CSMD1: variants seen among roughly 807,000 people sequenced by gnomAD.
CSMD1 encodes the protein CUB and Sushi multiple domains 1.
A neutral mutation model predicts 417.5 loss-of-function variants in CSMD1; 213 were observed. The ratio of observed to expected loss-of-function variants is 0.51; its 90% CI spans 0.46 to 0.57. The LOEUF is 0.57. CSMD1 is among the 20% of genes least tolerant of loss of function. CSMD1 has a pLI of 0.00. For synonymous variants in CSMD1, 2,862 were observed against 1,736.8 expected, an observed-to-expected ratio of 1.65 and a Z score of -16.11; for missense variants, 6,923 against 4,529.7, an observed-to-expected ratio of 1.53 and a Z score of -15.17.
At chr8:4,924,722 CA>C (rs60827201) in intron 1 of CSMD1, among the ~76,000 whole-genome samples, 53 of 62,548 alleles carry the variant, frequency 8.5e-4, no homozygotes, top group Middle Eastern at 0.015. Context: ...AACTCCATCT[CA>C]AAAAAAAAAA....
chr8:3,493,614 C>G lies in CSMD1; in HGVS notation c.1448+9G>C. On this transcript the variant is annotated intron_variant, in intron 11 of 69. Transcript: ENST00000635120. ...CATAAGAGAAGAAGAAGCTCAAGGA[C>G]ATACTCACACGTACAAGACCGATCT... 3.1e-6 allele frequency: 5 copies of G among 1,600,698 alleles called. No homozygotes were observed. The highest frequency in any genetic ancestry group is 4.3e-6 in the Non-Finnish European group (5 of 1,172,558).
chr8:4,692,413 C>T (rs1023330628), intron 1 of CSMD1, among the ~76,000 whole-genome samples: 3 of 152,158 alleles, frequency 2.0e-5, no homozygotes, highest in Non-Finnish European at 2.9e-5. Context: ...GGTTGCTTTT[C>T]GTGGCCAGGA....
chr8:4,597,002 T>C (rs1229739140), intron 2 of CSMD1, among the ~76,000 whole-genome samples: 1 of 152,236 alleles, frequency 6.6e-6, no homozygotes, highest in Non-Finnish European at 1.5e-5. Context: ...GCCATGATTC[T>C]GAGGCCTCCC....
chr8:3,996,462 C>T (rs1384805921), intron 5 of CSMD1, among the ~76,000 whole-genome samples: 2 of 151,468 alleles, frequency 1.3e-5, no homozygotes, highest in Admixed American at 1.3e-4. Context: ...TTTAGCACAG[C>T]CTCTCTTTTT....
intron 3 of CSMD1, among the ~76,000 whole-genome samples, chr8:4,174,182 T>A (rs1797915528): frequency 6.6e-6 from 1 of 152,120 alleles, no homozygotes; most frequent in East Asian, 1.9e-4. Flanking sequence ...AATGTTAAAC[T>A]ACTGAGGAAA....
chr8:4,033,241 C>G (rs990634721), intron 3 of CSMD1, among the ~76,000 whole-genome samples: 1 of 151,000 alleles, frequency 6.6e-6, no homozygotes, highest in Admixed American at 6.6e-5. Context: ...GAGATCGAGA[C>G]CATCCTGGCT....
intron 12 of CSMD1, among the ~76,000 whole-genome samples, chr8:3,453,749 G>A (rs897387052): frequency 1.3e-5 from 2 of 152,128 alleles, no homozygotes; most frequent in African/African-American, 2.4e-5. Flanking sequence ...GTCAATTTTG[G>A]AATAGGTGTG....
chr8:4,223,333 G>T (rs190515365), intron 3 of CSMD1, among the ~76,000 whole-genome samples: 1 of 152,236 alleles, frequency 6.6e-6, no homozygotes, highest in African/African-American at 2.4e-5. Context: ...GAACACTGTT[G>T]TCTCAGAACA....
chr8:3,158,852 A>G (rs879945704), intron 38 of CSMD1, among the ~76,000 whole-genome samples: 3 of 152,190 alleles, frequency 2.0e-5, no homozygotes, highest in Non-Finnish European at 4.4e-5. Context: ...TTGAAAAACA[A>G]TATCTAATGT....
intron 3 of CSMD1, among the ~76,000 whole-genome samples, chr8:4,059,551 CTAAT>C (rs1210804628): frequency 5.3e-5 from 8 of 151,450 alleles, no homozygotes; most frequent in Non-Finnish European, 1.2e-4. Context: ...GCTAGCAAGA[CTAAT>C]AAAGAAAAAA....
At chr8:4,067,949 C>T (rs1420057507) in intron 3 of CSMD1, among the ~76,000 whole-genome samples, 1 of 152,058 alleles carries the variant, frequency 6.6e-6, no homozygotes, top group African/African-American at 2.4e-5. Context: ...TGGTGGTGCG[C>T]TCCTGTAATC....
chr8:4,320,412 G>C (rs749279164), intron 3 of CSMD1, among the ~76,000 whole-genome samples: 23 of 152,124 alleles, frequency 1.5e-4, no homozygotes, highest in East Asian at 5.8e-4. Flanking sequence ...AGAATGTGCA[G>C]GTTTGTGACA....
chr8:4,898,097 G>A (rs992001893), intron 1 of CSMD1, among the ~76,000 whole-genome samples: 1 of 152,116 alleles, frequency 6.6e-6, no homozygotes, highest in Non-Finnish European at 1.5e-5. Context: ...TTGGTTAAAT[G>A]AAGCAAACGA....
chr8:4,922,269 G>C (rs995206507), intron 1 of CSMD1, among the ~76,000 whole-genome samples: 1 of 152,110 alleles, frequency 6.6e-6, no homozygotes, highest in Non-Finnish European at 1.5e-5. Flanking sequence ...CACTGAATGT[G>C]TTGTTTAAAG....
At chr8:3,952,003 C>T (rs1811630529) in intron 5 of CSMD1, among the ~76,000 whole-genome samples, 1 of 152,164 alleles carries the variant, frequency 6.6e-6, no homozygotes, top group Non-Finnish European at 1.5e-5. Flanking sequence ...GGAACAACTT[C>T]ACCATTTATG....
intron 10 of CSMD1, among the ~76,000 whole-genome samples, chr8:3,514,548 A>C (rs1409907743): frequency 1.3e-5 from 2 of 152,184 alleles, no homozygotes; most frequent in African/African-American, 4.8e-5. Flanking sequence ...ACAAATAAAT[A>C]ATATGTTATA....
At chr8:3,083,971 T>C (rs1814332810) in intron 49 of CSMD1, among the ~76,000 whole-genome samples, 1 of 152,052 alleles carries the variant, frequency 6.6e-6, no homozygotes, top group South Asian at 2.1e-4. Flanking sequence ...GCCTACATTC[T>C]ATTTTTCGTT....
intron 26 of CSMD1, among the ~76,000 whole-genome samples, chr8:3,252,565 T>C (rs1216262086): frequency 6.6e-6 from 1 of 152,228 alleles, no homozygotes; most frequent in African/African-American, 2.4e-5. Flanking sequence ...ATCAGGATGA[T>C]GCTGGCCTCA....
At chr8:4,067,336 G>C (rs955951011) in intron 3 of CSMD1, among the ~76,000 whole-genome samples, 6 of 152,268 alleles carry the variant, frequency 3.9e-5, no homozygotes, top group Non-Finnish European at 7.4e-5. Context: ...TTTCAAGTAA[G>C]GTATAATTCA....
Sources: gnomAD v4.1 joint callset for allele counts (sites outside exome capture counted in the v4.1 genomes callset) on GRCh38, gnomAD v4.1.1 for gene constraint, MANE v1.5 for transcripts, NCBI Gene and HGNC (gene_info 2026-07-23, HGNC 2026-07-21) for gene names.